PLCE1: variants seen among roughly 807,000 people sequenced by gnomAD.
The protein encoded by PLCE1 is phospholipase C epsilon 1.
PLCE1 carries 119 observed loss-of-function variants against 242.8 expected under a neutral mutation model. The observed-to-expected ratio is 0.49, with a 90% CI of 0.42 to 0.57. The LOEUF (loss-of-function observed/expected upper bound fraction) is 0.57. Among genes scored for constraint, PLCE1 ranks in the 20% least tolerant of loss-of-function variants. PLCE1 has a pLI of 0.00. For missense variants in PLCE1, 2,441 were observed against 2,788.8 expected (o/e 0.88, Z 2.81); for synonymous variants, 945 against 1,017.4 (o/e 0.93, Z 1.35).
At chr10:94,296,212 A>C (rs2052806700) in intron 23 of PLCE1, among the ~76,000 whole-genome samples, 1 of 151,894 alleles carries the variant, frequency 6.6e-6, no homozygotes, top group South Asian at 2.1e-4. Context: ...AATACAAAAA[A>C]AAAATTAGTT....
chr10:94,103,748 C>T (rs1409412144), intron 2 of PLCE1, among the ~76,000 whole-genome samples: 6 of 152,182 alleles, frequency 3.9e-5, no homozygotes, highest in African/African-American at 1.2e-4. Flanking sequence ...CTTACCCACA[C>T]GGTGTGTGTG....
intron 8 of PLCE1, 104 bp from the exon 9 acceptor site, chr10:94,252,212 G>A (rs996905184): frequency 7.2e-5 from 70 of 978,926 alleles, no homozygotes; most frequent in Non-Finnish European, 8.2e-5. Context: ...TTCTGTGGCC[G>A]TCTGTGCTCT....
intron 3 of PLCE1, among the ~76,000 whole-genome samples, chr10:94,141,576 AAGGTGAAG>A (rs1564727245): frequency 0.012 from 1,425 of 119,036 alleles, 158 homozygotes; most frequent in African/African-American, 0.046. Context: ...AGGCTAAGGG[AAGGTGAAG>A]GGAAGGCTAA....
chr10:94,043,530 G>A (rs531564461), intron 2 of PLCE1, among the ~76,000 whole-genome samples: 17 of 152,304 alleles, frequency 1.1e-4, no homozygotes, highest in Admixed American at 5.9e-4. Context: ...TGAGTGTGAT[G>A]TGCATTGGGA....
Position 94,246,355 on chromosome 10 carries a change from G to GTA in PLCE1, c.2833_2834dup (p.Met946ThrfsTer28), listed in dbSNP as rs1350802602. ...CTTGGATCTTTTTGCAGTGAAGGCT[G>GTA]TATACATGGGCCACCCTGGCATTGA... On this transcript the variant is annotated frameshift_variant, in exon 8 of 33. Coordinates refer to ENST00000371380, the MANE Select transcript of PLCE1 (RefSeq NM_016341.4). LOFTEE classifies it high-confidence loss of function. The GTA allele has an allele frequency of 6.2e-7, 1 of 1,614,062 alleles. No individual in the cohort carries two copies.
Position 94,210,706 on chromosome 10 carries a change from C to G in PLCE1, c.1810-16600C>G, listed in dbSNP as rs117735176. Reference sequence around the variant, plus strand: ...GCAGCTGGTGAGCAGCTGCTCCCTCCTTTCCTAAAACAGATCCTAGCCAGA... The same window carrying G: ...GCAGCTGGTGAGCAGCTGCTCCCTCGTTTCCTAAAACAGATCCTAGCCAGA... On this transcript the variant is annotated intron_variant, in intron 4 of 32. Coordinates refer to ENST00000371380, the MANE Select transcript of PLCE1 (RefSeq NM_016341.4). Among the ~76,000 whole-genome samples the G allele has an allele frequency of 1.2e-3, 184 of 152,292 alleles. 1 individual carries two copies. Among genetic ancestry groups the G allele is most frequent in the Non-Finnish European group, 2.2e-3 (152 of 68,008 alleles).
chr10:94,103,091 T>C (rs527939958), intron 2 of PLCE1, among the ~76,000 whole-genome samples: 3 of 152,284 alleles, frequency 2.0e-5, no homozygotes, highest in South Asian at 2.1e-4. Context: ...AAAATTTCAC[T>C]GGGGCACCTG....
At chr10:94,308,198 T>G (rs1276944547) in intron 26 of PLCE1, among the ~76,000 whole-genome samples, 1 of 152,238 alleles carries the variant, frequency 6.6e-6, no homozygotes, top group African/African-American at 2.4e-5. Flanking sequence ...CCATAAATTA[T>G]AACCAATCTT....
At position 94,031,042 on chromosome 10, in the gene PLCE1, C is replaced by T; in HGVS notation, c.-5C>T. On this transcript the variant is annotated 5_prime_UTR_variant, in exon 2 of 33. Transcript: ENST00000371380. ...CAATAGTCAAAACCTGTGTGTTAGT[C>T]CAAGATGACTTCTGAAGAAATGACA... 1 of 1,613,508 alleles carries T rather than the reference C, an allele frequency of 6.2e-7. No homozygotes were observed. Among genetic ancestry groups the T allele is most frequent in the Non-Finnish European group, 8.5e-7 (1 of 1,179,560 alleles).
At position 94,051,286 on chromosome 10, in the gene PLCE1, C is replaced by CAAAAAAAAA. The variant is rs869233995; in HGVS notation, c.1206+19052_1206+19060dup. On this transcript the variant is annotated intron_variant, in intron 2 of 32. Coordinates refer to ENST00000371380, the MANE Select transcript of PLCE1 (RefSeq NM_016341.4). ...TGGGTGATAGAGCGAGACTCCAACTCAAAAAAAAAAAAAAAAAAAAAAAAA... is the reference window on the plus strand; with the variant it reads ...TGGGTGATAGAGCGAGACTCCAACTCAAAAAAAAAAAAAAAAAAAAAAAAAAAAAAAAAA... Among the ~76,000 whole-genome samples, 76 of 29,362 alleles carry CAAAAAAAAA rather than the reference C, an allele frequency of 2.6e-3. 12 individuals carry two copies. Among genetic ancestry groups the CAAAAAAAAA allele is most frequent in the East Asian group, 6.5e-3 (6 of 926 alleles). 19.3% of individuals were successfully genotyped at this position (29,362 alleles called of 152,430 possible). A position where few individuals can be genotyped will look rare whatever the true frequency, so the allele number is the denominator to read the frequency against.
At chr10:94,083,481 G>T (rs1356838643) in intron 2 of PLCE1, among the ~76,000 whole-genome samples, 31 of 152,180 alleles carry the variant, frequency 2.0e-4, no homozygotes, top group Non-Finnish European at 1.8e-4. Context: ...GGAAACTGAG[G>T]GCTAGGGAAG....
chr10:94,238,394 C>T (rs2050392530), intron 7 of PLCE1, among the ~76,000 whole-genome samples: 1 of 152,190 alleles, frequency 6.6e-6, no homozygotes, highest in African/African-American at 2.4e-5. Flanking sequence ...GAGCTGAAGT[C>T]GCTTGTCTGA....
At chr10:94,033,478 A>G (rs2061602503) in intron 2 of PLCE1, among the ~76,000 whole-genome samples, 1 of 152,132 alleles carries the variant, frequency 6.6e-6, no homozygotes, top group South Asian at 2.1e-4. Flanking sequence ...TATTGGTGAC[A>G]AGATCACAGT....
chr10:94,222,732 G>C (rs563642722), intron 4 of PLCE1, among the ~76,000 whole-genome samples: 4 of 152,214 alleles, frequency 2.6e-5, no homozygotes, highest in Admixed American at 6.5e-5. Context: ...TATACCTCAG[G>C]CCTCAAGTTC....
chr10:94,222,628 TC>T (rs1022962632), intron 4 of PLCE1, among the ~76,000 whole-genome samples: 22 of 152,178 alleles, frequency 1.4e-4, no homozygotes, highest in African/African-American at 5.3e-4. Flanking sequence ...CCTCACCCTT[TC>T]CTTTAGGGGG....
chr10:94,136,135 G>A (rs1199256579), intron 3 of PLCE1, among the ~76,000 whole-genome samples: 1 of 152,172 alleles, frequency 6.6e-6, no homozygotes, highest in African/African-American at 2.4e-5. Flanking sequence ...AAAAGGAACA[G>A]GGAAAAACAA....
chr10:94,250,692 G>A (rs1259054905), intron 8 of PLCE1, among the ~76,000 whole-genome samples: 1 of 152,120 alleles, frequency 6.6e-6, no homozygotes, highest in African/African-American at 2.4e-5. Context: ...GACCCATGTT[G>A]GGATGTTCTG....
chr10:94,211,583 T>C (rs1051646845), intron 4 of PLCE1, among the ~76,000 whole-genome samples: 1 of 152,262 alleles, frequency 6.6e-6, no homozygotes, highest in Non-Finnish European at 1.5e-5. Context: ...AAAGTTGGTC[T>C]GCTTTCTGGA....
At chr10:94,325,330 G>A (rs932978372) in intron 32 of PLCE1, 3 of 446,076 alleles carry the variant, frequency 6.7e-6, no homozygotes, top group Non-Finnish European at 4.1e-6. Context: ...TGGGCGTGGT[G>A]GCGCATGCCT....
Sources: gnomAD v4.1 joint callset for allele counts (sites outside exome capture counted in the v4.1 genomes callset) on GRCh38, gnomAD v4.1.1 for gene constraint, MANE v1.5 for transcripts, NCBI Gene and HGNC (gene_info 2026-07-23, HGNC 2026-07-21) for gene names.